Variants in PARP4 observed in about 807,000 individuals in gnomAD.
PARP4 encodes the protein poly(ADP-ribose) polymerase family member 4.
Under a neutral mutation model 187.7 loss-of-function variants are expected in PARP4, and 120 were observed. That is an observed-to-expected ratio of 0.64 (90% confidence interval 0.55 to 0.74). PARP4 has a LOEUF of 0.74. PARP4 is among the 30% of genes least tolerant of loss of function. PARP4 has a pLI of 0.00. For synonymous variants in PARP4, 654 were observed against 740.9 expected, an observed-to-expected ratio of 0.88 and a Z score of 1.90; for missense variants, 1,836 against 2,070.5, an observed-to-expected ratio of 0.89 and a Z score of 2.20.
intron 17 of PARP4, among the ~76,000 whole-genome samples, chr13:24,464,131 C>T (rs998623850): frequency 6.6e-6 from 1 of 152,118 alleles, no homozygotes; most frequent in Non-Finnish European, 1.5e-5. Context: ...TAAACCACTG[C>T]TCAAGGAAAT....
At position 24,459,278 on chromosome 13, in the gene PARP4, T is replaced by C; in HGVS notation, c.2331A>G (p.Ile777Met). The C allele has an allele frequency of 6.3e-7, 1 of 1,578,918 alleles. No homozygotes were observed. Among genetic ancestry groups the C allele is most frequent in the Non-Finnish European group, 8.6e-7 (1 of 1,157,416 alleles). Reference sequence around the variant, plus strand: ...TAGGTACTAACCTTTGCTTTGTTCCTATTTCTTTTATACAAATCTTCTCTA... The same window carrying C: ...TAGGTACTAACCTTTGCTTTGTTCCCATTTCTTTTATACAAATCTTCTCTA... ...DTVEKICIKE[I>M]GTKQSFSLTM... is the part of the protein sequence containing the mutation. The change falls in exon 19 of 34, where the codon ATA becomes ATG. Residue 777 changes from isoleucine to methionine, a missense_variant. By Grantham distance (10) the Ile-to-Met change is conservative (BLOSUM62 1). Coordinates refer to ENST00000381989, the MANE Select transcript of PARP4 (RefSeq NM_006437.4).
Position 24,440,066 on chromosome 13 carries a change from C to A in PARP4, c.3666+1780G>T, listed in dbSNP as rs185986295. On this transcript the variant is annotated intron_variant, in intron 30 of 33. Transcript: ENST00000381989. ...TAAAGTATTATTTTTCTTTCATGGGCAATCCATGCCCATGGTTCAAAATTC... is the reference window on the plus strand; with the variant it reads ...TAAAGTATTATTTTTCTTTCATGGGAAATCCATGCCCATGGTTCAAAATTC... Among the ~76,000 whole-genome samples, 254 of 152,272 alleles carry A rather than the reference C, an allele frequency of 1.7e-3. 2 individuals are homozygous for A. Among genetic ancestry groups the A allele is most frequent in the African/African-American group, 5.7e-3 (235 of 41,556 alleles).
chr13:24,434,894 T>C lies in PARP4; in HGVS notation c.4247A>G (p.His1416Arg), dbSNP rs368895951. The C allele has an allele frequency of 6.2e-6, 10 of 1,614,002 alleles. No individual in the cohort carries two copies. The highest frequency in any genetic ancestry group is 3.3e-4 in the Middle Eastern group (2 of 6,064). ...AGGCCTGGTAGTAAAGCCTCCAGGA[T>C]GTTGCAGTGGAGCAGACTGTGCAGA... ...LSSAQSAPLQ[H>R]PGGFTTRPSA... is the part of the protein sequence containing the mutation. The change falls in exon 31 of 34, where the codon CAT (histidine) becomes CGT (arginine). Residue 1416 changes from histidine to arginine, a missense_variant. Physicochemically the swap from His to Arg is conservative, Grantham distance 29. Around this residue, in one of 8 missense-constraint regions of PARP4, gnomAD observed 450 missense variants for 439.2 expected, o/e 1.02. Transcript: ENST00000381989.
intron 10 of PARP4, among the ~76,000 whole-genome samples, chr13:24,486,819 G>C (rs1288982420): frequency 6.6e-6 from 1 of 152,144 alleles, no homozygotes; most frequent in African/African-American, 2.4e-5. Flanking sequence ...GGGCATGGTG[G>C]TGCACACCTG....
rs537388141 is a variant in PARP4 at position 24,461,131 on chromosome 13, G to A, written c.2134-995C>T. Among the ~76,000 whole-genome samples, 66 of 152,208 alleles carry A rather than the reference G, an allele frequency of 4.3e-4. 2 individuals carry two copies. Among genetic ancestry groups the A allele is most frequent in the African/African-American group, 1.5e-3 (64 of 41,528 alleles). On this transcript the variant is annotated intron_variant, in intron 17 of 33. Coordinates refer to ENST00000381989, the MANE Select transcript of PARP4 (RefSeq NM_006437.4). ...AGATCCTCTCAACATCCCCAACTATGTTCACCATTCTAGTTGACCACCCCA... is the reference window on the plus strand; with the variant it reads ...AGATCCTCTCAACATCCCCAACTATATTCACCATTCTAGTTGACCACCCCA...
At chr13:24,502,915 G>C (rs1350441992) in intron 2 of PARP4, among the ~76,000 whole-genome samples, 1 of 152,224 alleles carries the variant, frequency 6.6e-6, no homozygotes, top group African/African-American at 2.4e-5. Flanking sequence ...CAATGGCCAA[G>C]CCCCAGGGCT....
At chr13:24,440,397 CAAAAAAAAAAAAAATTAAAATTAAA>C (rs1432454884) in intron 30 of PARP4, among the ~76,000 whole-genome samples, 2 of 90,038 alleles carry the variant, frequency 2.2e-5, no homozygotes, top group Non-Finnish European at 4.3e-5. Context: ...GACTCTATCT[CAAAAAAAAAAAAAATTAAAATTAAA>C]AAAAAAAAAA....
At chr13:24,510,613 CAT>C (rs1417211432) in intron 1 of PARP4, among the ~76,000 whole-genome samples, 1 of 149,012 alleles carries the variant, frequency 6.7e-6, no homozygotes, top group Non-Finnish European at 1.5e-5. Context: ...AATGCTTGTA[CAT>C]ATATTTTTTT....
At position 24,442,628 on chromosome 13, in the gene PARP4, TGAGA is replaced by T; in HGVS notation, c.3501_3504del (p.Leu1168Ter). ...GCCACAAAGCTTGTAAATTGTGTTA[TGAGA>T]GAGTTTTCTTTACTGAGTTTAATAA... On this transcript the variant is annotated frameshift_variant, in exon 29 of 34. Transcript: ENST00000381989. LOFTEE classifies it high-confidence loss of function. 7 of 1,600,280 alleles carry T rather than the reference TGAGA, an allele frequency of 4.4e-6. No individual in the cohort carries two copies. The highest frequency in any genetic ancestry group is 2.6e-6 in the Non-Finnish European group (3 of 1,167,408).
chr13:24,452,426 C>G lies in PARP4; in HGVS notation c.2994G>C (p.Arg998Ser). 1 of 1,613,452 alleles carries G rather than the reference C, an allele frequency of 6.2e-7. No homozygotes were observed. Among genetic ancestry groups the G allele is most frequent in the South Asian group, 1.1e-5 (1 of 90,998 alleles). Reference sequence around the variant, plus strand: ...CTCACCCGATACCGCAGGCGAATAACCTGGTGTGCGGGCGGCTCCTCTTCA... The same window carrying G: ...CTCACCCGATACCGCAGGCGAATAAGCTGGTGTGCGGGCGGCTCCTCTTCA... ...QLVKRSRPHTRLFACGIGSTA... is the reference protein window; with the variant it reads ...QLVKRSRPHTSLFACGIGSTA... The change falls in exon 24 of 34, where the codon AGG becomes AGC. Residue 998 changes from arginine (R) to serine (S), a missense_variant. This residue lies in a region of PARP4 where 1,147 missense variants were observed against 1,214.2 expected (regional missense o/e 0.94). Coordinates refer to ENST00000381989, the MANE Select transcript of PARP4 (RefSeq NM_006437.4).
Position 24,453,629 on chromosome 13 carries a change from A to G in PARP4, c.2784T>C (p.Pro928=). ...GTGYKELFSY[P]KHITSNTMAA... is the part of the protein sequence containing the mutation. ...CCATGGTATTGCTTGTGATATGCTT[A>G]GGATACGAAAATAGCTCCTTGTAAC... The change falls in exon 23 of 34, where the codon CCT becomes CCC. Residue 928 remains proline (P), a synonymous_variant. Coordinates refer to ENST00000381989, the MANE Select transcript of PARP4 (RefSeq NM_006437.4). 6.2e-7 allele frequency: 1 copy of G among 1,606,916 alleles called. No homozygotes were observed. The highest frequency in any genetic ancestry group is 8.5e-7 in the Non-Finnish European group (1 of 1,173,430).
At position 24,435,285 on chromosome 13, in the gene PARP4, C is replaced by T. The variant is rs1343022614; in HGVS notation, c.3856G>A (p.Asp1286Asn). The T allele has an allele frequency of 6.2e-7, 1 of 1,613,184 alleles. No individual in the cohort carries two copies. Among genetic ancestry groups the T allele is most frequent in the Non-Finnish European group, 8.5e-7 (1 of 1,179,924 alleles). The part of the protein sequence containing the change: ...LERGGVEKLL[D>N]LSWTESCKPT... ...TTACATGACTCTGTCCAACTTAAAT[C>T]CAATAGCTTTTCCACACCTCCACGT... Residue 1286 changes from aspartate to asparagine, a missense_variant, in exon 31 of 34, where the codon GAT becomes AAT. Around this residue, in one of 8 missense-constraint regions of PARP4, gnomAD observed 450 missense variants for 439.2 expected, o/e 1.02. Transcript: ENST00000381989.
At chr13:24,447,427 C>A (rs557734917) in intron 25 of PARP4, among the ~76,000 whole-genome samples, 3 of 152,336 alleles carry the variant, frequency 2.0e-5, no homozygotes, top group East Asian at 1.9e-4. Context: ...GTGGCACAAT[C>A]TTGGCTGACT....
intron 6 of PARP4, among the ~76,000 whole-genome samples, chr13:24,497,910 C>T (rs1869042783): frequency 6.6e-6 from 1 of 152,198 alleles, no homozygotes; most frequent in African/African-American, 2.4e-5. Context: ...GAAATCAACC[C>T]TGCTGTACTT....
Position 24,426,611 on chromosome 13 carries a change from A to C in PARP4, c.4847-13T>G. 2 of 1,606,836 alleles carry C rather than the reference A, an allele frequency of 1.2e-6. No homozygotes were observed. The highest frequency in any genetic ancestry group is 1.7e-6 in the Non-Finnish European group (2 of 1,177,332). ...CTTCCTTTTACACCTAAAAGGAAAA[A>C]AACTCCGTTAAGTCTGTTGGAAACT... On this transcript the variant is annotated splice_polypyrimidine_tract_variant and intron_variant, in intron 32 of 33. Transcript: ENST00000381989.
chr13:24,455,309 T>C, intron 21 of PARP4, 97 bp from the exon 22 acceptor site: 1 of 732,786 alleles, frequency 1.4e-6, no homozygotes, highest in South Asian at 2.7e-5. Context: ...TGAGGTAAAC[T>C]AATGCTATAA....
chr13:24,496,172 G>C (rs1868942938), intron 6 of PARP4, among the ~76,000 whole-genome samples: 1 of 152,208 alleles, frequency 6.6e-6, no homozygotes, highest in African/African-American at 2.4e-5. Flanking sequence ...CTTTCTCAAT[G>C]AAGAAAACAA....
intron 27 of PARP4, among the ~76,000 whole-genome samples, chr13:24,445,568 ACTGTATGTTAGACAGAAGCTC>A (rs1011556206): frequency 6.6e-6 from 1 of 152,216 alleles, no homozygotes; most frequent in African/African-American, 2.4e-5. Context: ...GTGCACCCCA[ACTGTATGTTAGACAGAAGCTC>A]CTGTGCTTGG....
Position 24,488,626 on chromosome 13 carries a change from T to G in PARP4, c.1214+2042A>C, listed in dbSNP as rs1231172298. The stretch of plus-strand genomic sequence containing the variant: ...ACCTCGGCCTCCCAAAGTGCTGGAA[T>G]TACAGGCATGAGCCACCATGCCCGG... On this transcript the variant is annotated intron_variant, in intron 10 of 33. Transcript: ENST00000381989. Among the ~76,000 whole-genome samples the G allele has an allele frequency of 2.0e-5, 3 of 151,966 alleles. No homozygotes were observed. In the East Asian group the frequency reaches 5.8e-4, roughly 29 times the overall value.
Sources: gnomAD v4.1 joint callset for allele counts (sites outside exome capture counted in the v4.1 genomes callset) on GRCh38, gnomAD v4.1.1 for gene constraint, gnomAD v4.1.1 regional missense constraint, MANE v1.5 for transcripts, NCBI Gene and HGNC (gene_info 2026-07-23, HGNC 2026-07-21) for gene names.